Variants in RIMS2 observed in about 807,000 individuals in gnomAD.
RIMS2 encodes the protein regulating synaptic membrane exocytosis protein 2.
Under a neutral mutation model 174.4 loss-of-function variants are expected in RIMS2, and 59 were observed. The ratio of observed to expected loss-of-function variants is 0.34; its 90% CI spans 0.27 to 0.42. The LOEUF (loss-of-function observed/expected upper bound fraction) is 0.42, where lower values mean the gene tolerates loss of function less well. RIMS2 is among the 10% of genes least tolerant of loss of function. RIMS2 has a pLI of 1.00. For missense variants in RIMS2, 1,620 were observed against 1,666.3 expected (o/e 0.97, Z 0.48); for synonymous variants, 606 against 572.5 (o/e 1.06, Z -0.84).
chr8:104,074,049 G>A lies in RIMS2; in HGVS notation c.3334+59434G>A, dbSNP rs115796658. ...TGTTTCATTTGATTAGCACTTATGCGCTTCTCAACACTGAGAAGACATATT... is the reference window on the plus strand; with the variant it reads ...TGTTTCATTTGATTAGCACTTATGCACTTCTCAACACTGAGAAGACATATT... On this transcript the variant is annotated intron_variant, in intron 19 of 23. Transcript: ENST00000504942. 7.9e-3 allele frequency among the ~76,000 whole-genome samples: 1,197 copies of A among 152,202 alleles called. 27 individuals are homozygous for A. The highest frequency in any genetic ancestry group is 0.027 in the African/African-American group (1,127 of 41,528).
At chr8:103,597,995 C>A (rs765313995) in intron 1 of RIMS2, among the ~76,000 whole-genome samples, 10 of 152,024 alleles carry the variant, frequency 6.6e-5, no homozygotes, top group Non-Finnish European at 1.3e-4. Flanking sequence ...ATGTAAATGT[C>A]TTTCTTGCTG....
At chr8:103,558,576 T>C (rs988160045) in intron 1 of RIMS2, among the ~76,000 whole-genome samples, 2 of 152,206 alleles carry the variant, frequency 1.3e-5, no homozygotes, top group Non-Finnish European at 2.9e-5. Flanking sequence ...CAATGACTTA[T>C]AGTACAGCTA....
intron 19 of RIMS2, among the ~76,000 whole-genome samples, chr8:104,095,773 A>G (rs1480994342): frequency 6.6e-6 from 1 of 152,130 alleles, no homozygotes; most frequent in Non-Finnish European, 1.5e-5. Flanking sequence ...ATTTATAAGC[A>G]AGATTTTGCC....
At chr8:104,005,866 G>C (rs2095556582) in intron 17 of RIMS2, among the ~76,000 whole-genome samples, 1 of 151,894 alleles carries the variant, frequency 6.6e-6, no homozygotes, top group South Asian at 2.1e-4. Flanking sequence ...AAAGGATTCT[G>C]ACAAAGCTAG....
chr8:103,973,040 T>G (rs1422195832), intron 15 of RIMS2, among the ~76,000 whole-genome samples: 1 of 152,222 alleles, frequency 6.6e-6, no homozygotes, highest in Non-Finnish European at 1.5e-5. Context: ...TAGAGTTCTA[T>G]TGGACAATAC....
exon 8 of RIMS2, chr8:103,916,522 T>C (rs1263733167): frequency 6.2e-7 from 1 of 1,609,500 alleles, no homozygotes; most frequent in African/African-American, 1.3e-5. Context: ...GAACTTGTAG[T>C]TTCAAGGCCT....
chr8:104,223,415 C>A, intron 19 of RIMS2: 1 of 1,279,382 alleles, frequency 7.8e-7, no homozygotes. Context: ...GCCGCTCCGC[C>A]CGCCACCGCC....
intron 1 of RIMS2, among the ~76,000 whole-genome samples, chr8:103,681,896 A>G (rs1415159672): frequency 1.3e-5 from 2 of 152,092 alleles, no homozygotes; most frequent in East Asian, 1.9e-4. Flanking sequence ...AGCAAGACCT[A>G]TAGTATTGGC....
chr8:104,187,615 C>T (rs537246640), intron 19 of RIMS2, among the ~76,000 whole-genome samples: 1 of 151,690 alleles, frequency 6.6e-6, no homozygotes, highest in South Asian at 2.1e-4. Context: ...ACTTGTATTT[C>T]TTAAAGTTGT....
intron 1 of RIMS2, among the ~76,000 whole-genome samples, chr8:103,672,246 A>T (rs1307969726): frequency 1.3e-5 from 2 of 152,094 alleles, no homozygotes; most frequent in African/African-American, 4.8e-5. Flanking sequence ...GTTGAACAGA[A>T]ATTTATCTAC....
At chr8:103,747,806 A>G (rs1485403873) in intron 2 of RIMS2, among the ~76,000 whole-genome samples, 1 of 152,142 alleles carries the variant, frequency 6.6e-6, no homozygotes, top group East Asian at 1.9e-4. Context: ...AAGGTCTGAA[A>G]TTCACTTTTG....
intron 19 of RIMS2, among the ~76,000 whole-genome samples, chr8:104,073,155 A>G (rs1439820699): frequency 6.6e-6 from 1 of 152,180 alleles, no homozygotes. Flanking sequence ...CCACAGGTCA[A>G]CTACCCTTCT....
intron 19 of RIMS2, among the ~76,000 whole-genome samples, chr8:104,161,955 C>T (rs1187585455): frequency 6.6e-6 from 1 of 152,180 alleles, no homozygotes; most frequent in African/African-American, 2.4e-5. Context: ...TCTGACTATC[C>T]ATTCTCCCTT....
chr8:104,188,220 C>CAGAT (rs71576001), intron 19 of RIMS2, among the ~76,000 whole-genome samples: 2,663 of 87,094 alleles, frequency 0.031, 40 homozygotes, highest in Non-Finnish European at 0.037. Flanking sequence ...ATGGTTTGTT[C>CAGAT]AGATAGATAG....
chr8:103,729,351 C>T (rs921147034), intron 2 of RIMS2, among the ~76,000 whole-genome samples: 49 of 151,952 alleles, frequency 3.2e-4, no homozygotes, highest in African/African-American at 1.1e-3. Flanking sequence ...GGTTTTCCAA[C>T]TTACTGGCAT....
chr8:103,544,338 G>GTAAGATA (rs1843956989), intron 1 of RIMS2, among the ~76,000 whole-genome samples: 1 of 152,154 alleles, frequency 6.6e-6, no homozygotes. Context: ...CAGCTGGTGG[G>GTAAGATA]TGCAGCTTAC....
intron 2 of RIMS2, among the ~76,000 whole-genome samples, chr8:103,736,261 T>G (rs1330418882): frequency 6.6e-6 from 1 of 152,226 alleles, no homozygotes; most frequent in Non-Finnish European, 1.5e-5. Flanking sequence ...TAGAGTTTAA[T>G]ATCTATTATA....
At chr8:104,154,973 T>TA (rs374706167) in intron 19 of RIMS2, among the ~76,000 whole-genome samples, 1 of 151,810 alleles carries the variant, frequency 6.6e-6, no homozygotes, top group Non-Finnish European at 1.5e-5. Flanking sequence ...CTTTTTTTTT[T>TA]AATCTAAAAA....
chr8:104,204,940 A>T (rs1302635436), intron 19 of RIMS2, among the ~76,000 whole-genome samples: 1 of 152,186 alleles, frequency 6.6e-6, no homozygotes, highest in Non-Finnish European at 1.5e-5. Context: ...TTAATGCTAA[A>T]CAAACCTAAG....
Sources: gnomAD v4.1 joint callset for allele counts (sites outside exome capture counted in the v4.1 genomes callset) on GRCh38, gnomAD v4.1.1 for gene constraint, MANE v1.5 for transcripts, NCBI Gene and HGNC (gene_info 2026-07-23, HGNC 2026-07-21) for gene names.